The following WDR27 variants were observed in gnomAD, a reference collection of about 807,000 sequenced individuals.
WDR27 encodes WD repeat-containing protein 27.
In WDR27, 100 loss-of-function variants were observed where a neutral mutation model predicts 114.4. That is an observed-to-expected ratio of 0.87 (90% CI 0.74 to 1.03). The LOEUF is 1.03. Among genes scored for constraint, WDR27 ranks in the 50% least tolerant of loss-of-function variants. The pLI, the probability that WDR27 is intolerant of heterozygous loss-of-function variation, is 0.00. For missense variants in WDR27, 1,129 were observed against 1,092.9 expected (o/e 1.03, Z -0.47); for synonymous variants, 449 against 423.1 (o/e 1.06, Z -0.75).
chr6:169,519,058 G>C (rs1166099108), intron 25 of WDR27, among the ~76,000 whole-genome samples: 1 of 152,214 alleles, frequency 6.6e-6, no homozygotes, highest in Non-Finnish European at 1.5e-5. Context: ...CTTTGCTCCA[G>C]TTCTCCATAA....
chr6:169,448,831 G>GAC, the WDR27 span, among the ~76,000 whole-genome samples: 1 of 152,196 alleles, frequency 6.6e-6, no homozygotes, highest in Non-Finnish European at 1.5e-5. Flanking sequence ...ACAGTGAGGA[G>GAC]ACACCTGCAG....
intron 18 of WDR27, among the ~76,000 whole-genome samples, chr6:169,637,678 TGTAA>T (rs370681246): frequency 2.8e-4 from 42 of 151,376 alleles, no homozygotes; most frequent in East Asian, 9.6e-4. Context: ...GTGGCAAGTA[TGTAA>T]GTGTGTGTAT....
intron 25 of WDR27, among the ~76,000 whole-genome samples, chr6:169,565,950 T>G (rs1800397579): frequency 6.6e-6 from 1 of 152,260 alleles, no homozygotes; most frequent in African/African-American, 2.4e-5. Context: ...ATAGCCCCAT[T>G]TTTTAATTAA....
chr6:169,695,022 C>A (rs1785504265), intron 1 of WDR27, among the ~76,000 whole-genome samples: 8 of 152,144 alleles, frequency 5.3e-5, no homozygotes. Context: ...AGGGTGGTAG[C>A]CCAGAGGAAA....
intron 1 of WDR27, among the ~76,000 whole-genome samples, chr6:169,691,031 C>T (rs578153041): frequency 4.9e-4 from 75 of 152,156 alleles, no homozygotes; most frequent in African/African-American, 1.6e-3. Flanking sequence ...CTGGCTAACA[C>T]GGTGAAACCC....
At chr6:169,432,619 T>C in the WDR27 span, among the ~76,000 whole-genome samples, 1 of 152,232 alleles carries the variant, frequency 6.6e-6, no homozygotes, top group South Asian at 2.1e-4. Context: ...GCCTTTCACC[T>C]TTCACCATGA....
At chr6:169,445,960 C>T in the WDR27 span, among the ~76,000 whole-genome samples, 1 of 152,330 alleles carries the variant, frequency 6.6e-6, no homozygotes, top group Non-Finnish European at 1.5e-5. Context: ...GCTGGCTGCC[C>T]CAGCCTGTGA....
rs186931130 is a variant in WDR27 at position 169,649,032 on chromosome 6, G to A, written c.1559+166C>T. Among the ~76,000 whole-genome samples, 48 of 152,300 alleles carry A rather than the reference G, an allele frequency of 3.2e-4. 1 individual carries two copies. In the South Asian group the frequency reaches 5.8e-3, roughly 18 times the overall value. On this transcript the variant is annotated intron_variant, in intron 15 of 25. Coordinates refer to ENST00000448612, the MANE Select transcript of WDR27 (RefSeq NM_182552.5). ...GAAAAATTAACAGGAAAGAAATTTG[G>A]CTAAAAAGATATATAAATAATATAG... is the stretch of plus-strand genomic sequence containing the variant.
chr6:169,664,445 C>A, intron 7 of WDR27, 159 bp from the exon 8 acceptor site: 1 of 1,495,090 alleles, frequency 6.7e-7, no homozygotes, highest in South Asian at 1.3e-5. Context: ...CCTTCAACAT[C>A]CCCTCTGGAG....
At chr6:169,660,206 G>A (rs1584981208) in intron 10 of WDR27, among the ~76,000 whole-genome samples, 1 of 143,296 alleles carries the variant, frequency 7.0e-6, no homozygotes. Context: ...GGAGGGGGTG[G>A]GGGTGGAGGT....
rs1345904161 is a variant in WDR27, at chr6:169,647,847, G to C, written c.1583C>G (p.Ala528Gly). 5 of 1,575,252 alleles carry C rather than the reference G, an allele frequency of 3.2e-6. No individual in the cohort carries two copies. The South Asian group carries it at 5.9e-5, about 18-fold the overall frequency. The change falls in exon 16 of 26, where the codon GCT becomes GGT. Residue 528 changes from alanine to glycine, a missense_variant. Transcript: ENST00000448612. ...CAREAYPVECAVPTKPGPQVA... is the reference protein window; with the variant it reads ...CAREAYPVECGVPTKPGPQVA... ...CTGGGGGCCGGGCTTGGTGGGCACA[G>C]CGCACTCCACGGGGTATGCCTCCCT...
At chr6:169,481,815 C>T (rs1235126331) in intron 25 of WDR27, among the ~76,000 whole-genome samples, 1 of 152,214 alleles carries the variant, frequency 6.6e-6, no homozygotes, top group South Asian at 2.1e-4. Context: ...CTCCTGAAGC[C>T]AGTGAGACCA....
chr6:169,461,819 A>C (rs1212366952), intron 25 of WDR27, among the ~76,000 whole-genome samples: 1 of 151,916 alleles, frequency 6.6e-6, no homozygotes, highest in African/African-American at 2.4e-5. Flanking sequence ...ACAAGGAAAC[A>C]AAAAAATGAT....
chr6:169,428,299 GGAT>G, the WDR27 span, among the ~76,000 whole-genome samples: 1 of 152,090 alleles, frequency 6.6e-6, no homozygotes, highest in African/African-American at 2.4e-5. Context: ...GGCTCAAAAG[GGAT>G]GATTCAGTCT....
chr6:169,692,573 A>G lies in WDR27; in HGVS notation c.-7-3561T>C, dbSNP rs559873259. On this transcript the variant is annotated intron_variant, in intron 1 of 25. Coordinates refer to ENST00000448612, the MANE Select transcript of WDR27 (RefSeq NM_182552.5). ...TCCCACACACAGGCTGTCTGCATCT[A>G]AACCTGGTGCTGTTAGCTGGGCACT... Among the ~76,000 whole-genome samples, 5 of 152,324 alleles carry G rather than the reference A, an allele frequency of 3.3e-5. No individual in the cohort carries two copies. The South Asian group carries it at 1.0e-3, about 32-fold the overall frequency.
At chr6:169,484,516 C>T in intron 25 of WDR27, among the ~76,000 whole-genome samples, 1 of 151,982 alleles carries the variant, frequency 6.6e-6, no homozygotes, top group East Asian at 1.9e-4. Flanking sequence ...TAAAAGAAAC[C>T]AGAGAGGAAA....
In WDR27 at chr6:169,477,537, C is replaced by T. The variant is rs183846386; in HGVS notation, c.2646-19903G>A. On this transcript the variant is annotated intron_variant, in intron 25 of 25. Transcript: ENST00000448612. The stretch of plus-strand genomic sequence containing the variant: ...CGCTGAAACCTCCGCCTCCCAGGTT[C>T]AAACAATTCTTGTGCCCCAGCCTCC... Among the ~76,000 whole-genome samples, 3 of 152,274 alleles carry T rather than the reference C, an allele frequency of 2.0e-5. No homozygotes were observed. The East Asian group carries it at 5.8e-4, about 29-fold the overall frequency.
At chr6:169,512,953 C>T (rs996108600) in intron 25 of WDR27, among the ~76,000 whole-genome samples, 1 of 152,178 alleles carries the variant, frequency 6.6e-6, no homozygotes, top group African/African-American at 2.4e-5. Context: ...AGGAGACGGA[C>T]ACTGCTTAAG....
At chr6:169,589,902 AAAAC>A (rs1412847917) in intron 23 of WDR27, among the ~76,000 whole-genome samples, 2 of 152,352 alleles carry the variant, frequency 1.3e-5, no homozygotes, top group East Asian at 1.9e-4. Context: ...ACATACTCAG[AAAAC>A]AAACAGAGTT....
Sources: allele counts gnomAD v4.1 joint callset (sites outside exome capture counted in the v4.1 genomes callset), GRCh38; gene constraint gnomAD v4.1.1; transcripts MANE v1.5; gene names NCBI Gene and HGNC (gene_info 2026-07-23, HGNC 2026-07-21).